The following TBC1D1 variants were observed in gnomAD, a reference collection of about 807,000 sequenced individuals.
TBC1D1 encodes TBC1 (tre-2/USP6, BUB2, cdc16) domain family, member 1.
Under a neutral mutation model 125.6 loss-of-function variants are expected in TBC1D1, and 89 were observed. That is an observed-to-expected ratio of 0.71 (90% CI 0.60 to 0.85). The LOEUF is 0.85. TBC1D1 is among the 40% of genes least tolerant of loss of function. The probability of loss-of-function intolerance (pLI) is 0.00; values close to 1 mark genes in which losing one functional copy is unlikely to be tolerated. For synonymous variants in TBC1D1, 565 were observed against 564.1 expected, an observed-to-expected ratio of 1.00 and a Z score of -0.02; for missense variants, 1,377 against 1,469.2, an observed-to-expected ratio of 0.94 and a Z score of 1.03.
intron 2 of TBC1D1, among the ~76,000 whole-genome samples, chr4:37,906,999 T>C (rs143676648): frequency 6.6e-6 from 1 of 152,342 alleles, no homozygotes; most frequent in East Asian, 1.9e-4. Context: ...AAAACAAAAG[T>C]AATAAACATC....
At chr4:38,074,137 C>T (rs1755168803) in intron 12 of TBC1D1, among the ~76,000 whole-genome samples, 1 of 152,158 alleles carries the variant, frequency 6.6e-6, no homozygotes, top group Non-Finnish European at 1.5e-5. Context: ...GATGCTCCTG[C>T]CCCATCCCAG....
chr4:38,060,519 C>T, intron 12 of TBC1D1: 1 of 680,704 alleles, frequency 1.5e-6, no homozygotes, highest in South Asian at 1.7e-5. Context: ...GTATGAATAT[C>T]TTCTTTTGAG....
At chr4:38,036,021 TTTC>T (rs1051858767) in intron 8 of TBC1D1, among the ~76,000 whole-genome samples, 10 of 152,186 alleles carry the variant, frequency 6.6e-5, no homozygotes, top group Admixed American at 1.3e-4. Flanking sequence ...TCACCTCGCC[TTTC>T]TTCTTTGTAA....
chr4:37,945,878 TAGTTTAA>T (rs1337206726), intron 2 of TBC1D1, among the ~76,000 whole-genome samples: 1 of 152,222 alleles, frequency 6.6e-6, no homozygotes, highest in African/African-American at 2.4e-5. Context: ...TGAGATAATC[TAGTTTAA>T]AGTCGCAGCC....
chr4:38,120,226 T>C, intron 17 of TBC1D1: 2 of 638,676 alleles, frequency 3.1e-6, no homozygotes, highest in Non-Finnish European at 3.9e-6. Flanking sequence ...CCTGCTGTGC[T>C]AAGTGGGTCG....
intron 2 of TBC1D1, among the ~76,000 whole-genome samples, chr4:37,911,405 C>T (rs542471615): frequency 1.3e-5 from 2 of 152,224 alleles, no homozygotes; most frequent in South Asian, 2.1e-4. Context: ...GGTGCCGTGC[C>T]GGGCTAGCCT....
intron 2 of TBC1D1, among the ~76,000 whole-genome samples, chr4:37,926,832 T>TATGGC (rs1350602520): frequency 6.6e-6 from 1 of 152,144 alleles, no homozygotes; most frequent in African/African-American, 2.4e-5. Flanking sequence ...ATATTACTGT[T>TATGGC]ATGGCCAGGC....
intron 8 of TBC1D1, 34 bp from the exon 9 acceptor site, chr4:38,044,328 G>C (rs751228996): frequency 3.2e-6 from 5 of 1,580,394 alleles, no homozygotes. Context: ...AGAGAAGGGA[G>C]CGATAAATGA....
intron 12 of TBC1D1, among the ~76,000 whole-genome samples, chr4:38,075,495 C>T (rs1389907673): frequency 6.6e-6 from 1 of 152,210 alleles, no homozygotes; most frequent in Non-Finnish European, 1.5e-5. Context: ...ACTCAGCGAA[C>T]ATTGTGTTGG....
At chr4:37,904,979 C>T (rs1306161115) in intron 2 of TBC1D1, among the ~76,000 whole-genome samples, 1 of 152,198 alleles carries the variant, frequency 6.6e-6, no homozygotes, top group Non-Finnish European at 1.5e-5. Context: ...GTTAAGGCCT[C>T]TTCTAAACAG....
chr4:38,020,265 T>C (rs1743716850), intron 4 of TBC1D1, among the ~76,000 whole-genome samples: 1 of 152,142 alleles, frequency 6.6e-6, no homozygotes, highest in Non-Finnish European at 1.5e-5. Flanking sequence ...GGTGAGTGGA[T>C]TACCTGAGGT....
intron 14 of TBC1D1, among the ~76,000 whole-genome samples, chr4:38,096,636 C>T (rs148072007): frequency 5.3e-5 from 8 of 152,296 alleles, no homozygotes; most frequent in South Asian, 2.1e-4. Flanking sequence ...CCTTAGAGAG[C>T]GGGCAGGATT....
chr4:37,931,678 A>G (rs183352349), intron 2 of TBC1D1, among the ~76,000 whole-genome samples: 12 of 151,710 alleles, frequency 7.9e-5, no homozygotes, highest in African/African-American at 2.9e-4. Context: ...GGGTTTCACC[A>G]TCTTGGTCAC....
chr4:37,983,840 A>G (rs12645638), intron 2 of TBC1D1, among the ~76,000 whole-genome samples: 75,795 of 152,030 alleles, frequency 0.5, 19,662 homozygotes, highest in East Asian at 0.91. Context: ...ATAATGACGT[A>G]TATCCAGCAT....
chr4:37,937,919 T>G (rs896927530), intron 2 of TBC1D1, among the ~76,000 whole-genome samples: 1 of 152,112 alleles, frequency 6.6e-6, no homozygotes, highest in Non-Finnish European at 1.5e-5. Context: ...ATTTCTTGCT[T>G]GAGATTGATC....
chr4:38,038,620 A>G (rs1747672143), intron 8 of TBC1D1, among the ~76,000 whole-genome samples: 1 of 152,164 alleles, frequency 6.6e-6, no homozygotes, highest in South Asian at 2.1e-4. Context: ...CTGCTGCTAC[A>G]TTCAGGTAGC....
chr4:38,072,367 A>G (rs1354609273), intron 12 of TBC1D1, among the ~76,000 whole-genome samples: 2 of 152,236 alleles, frequency 1.3e-5, no homozygotes, highest in East Asian at 3.8e-4. Flanking sequence ...AGAGTTTTAA[A>G]TGTGGACCCC....
intron 8 of TBC1D1, among the ~76,000 whole-genome samples, chr4:38,039,196 C>T (rs1240634623): frequency 2.2e-5 from 3 of 135,314 alleles, no homozygotes. Flanking sequence ...TGGCTCACTG[C>T]AAGCCCCGCC....
intron 2 of TBC1D1, among the ~76,000 whole-genome samples, chr4:37,915,023 T>C (rs1330528361): frequency 1.3e-5 from 2 of 152,274 alleles, no homozygotes; most frequent in Admixed American, 6.5e-5. Context: ...TTCGGAATCA[T>C]ATGCTTCCAT....
Sources: gnomAD v4.1 joint callset for allele counts (sites outside exome capture counted in the v4.1 genomes callset) on GRCh38, gnomAD v4.1.1 for gene constraint, MANE v1.5 for transcripts, NCBI Gene and HGNC (gene_info 2026-07-23, HGNC 2026-07-21) for gene names.